Variants in ARID4B observed in about 807,000 individuals in gnomAD.
ARID4B encodes the protein AT-rich interactive domain-containing protein 4B.
Under a neutral mutation model 147.5 loss-of-function variants are expected in ARID4B, and 26 were observed. The ratio of observed to expected loss-of-function variants is 0.18; its 90% CI spans 0.13 to 0.24. The LOEUF is 0.24. ARID4B is among the 10% of genes least tolerant of loss of function. ARID4B has a pLI of 1.00. For missense variants in ARID4B, 1,179 were observed against 1,511.5 expected (o/e 0.78, Z 3.65); for synonymous variants, 512 against 507.9 (o/e 1.01, Z -0.11).
At chr1:235,325,133 G>A (rs530438823) in intron 2 of ARID4B, among the ~76,000 whole-genome samples, 2 of 152,218 alleles carry the variant, frequency 1.3e-5, no homozygotes, top group East Asian at 1.9e-4. Context: ...TCTGAGATTT[G>A]CTATACTTAT....
At chr1:235,321,047 T>C (rs184382632) in intron 2 of ARID4B, among the ~76,000 whole-genome samples, 81 of 152,318 alleles carry the variant, frequency 5.3e-4, no homozygotes, top group African/African-American at 1.6e-3. Context: ...GAACTCTTGT[T>C]CTATTCACTG....
At chr1:235,236,860 ATATTTTTTTTTT>A (rs1435410811) in intron 8 of ARID4B, among the ~76,000 whole-genome samples, 9 of 20,422 alleles carry the variant, frequency 4.4e-4, no homozygotes, top group African/African-American at 1.2e-3. Flanking sequence ...ATATATATAT[ATATTTTTTTTTT>A]TTTTTTTTTT....
chr1:235,326,099 C>T (rs1006327491), intron 2 of ARID4B, among the ~76,000 whole-genome samples: 1 of 151,876 alleles, frequency 6.6e-6, no homozygotes. Flanking sequence ...TAAGTTCCAC[C>T]AGTTGAATCC....
intron 7 of ARID4B, among the ~76,000 whole-genome samples, chr1:235,241,760 G>A (rs1013993932): frequency 3.3e-4 from 50 of 151,928 alleles, no homozygotes; most frequent in East Asian, 2.1e-3. Context: ...CTCGTGATCC[G>A]CCCACCTCGC....
intron 21 of ARID4B, chr1:235,176,931 T>G (rs1371553102): frequency 2.1e-6 from 1 of 471,198 alleles, no homozygotes; most frequent in Admixed American, 2.3e-5. Context: ...ACATATTTTC[T>G]GCTTCTTACT....
intron 2 of ARID4B, among the ~76,000 whole-genome samples, chr1:235,290,324 T>C (rs1010836273): frequency 6.6e-6 from 1 of 151,280 alleles, no homozygotes; most frequent in Non-Finnish European, 1.5e-5. Context: ...ATGCCTGTAA[T>C]CCCAGCTACT....
chr1:235,236,836 A>ATATATATATATATATATATATGTG (rs1553299976), intron 8 of ARID4B, among the ~76,000 whole-genome samples: 307 of 24,744 alleles, frequency 0.012, 37 homozygotes, highest in South Asian at 0.047. Flanking sequence ...TATAAAAAAT[A>ATATATATATATATATATATATGTG]TATATATATA....
intron 19 of ARID4B, among the ~76,000 whole-genome samples, chr1:235,192,953 C>T (rs774487965): frequency 2.6e-5 from 4 of 152,118 alleles, no homozygotes; most frequent in South Asian, 2.1e-4. Context: ...ATTAGCCAGG[C>T]GCAGTGGCGG....
intron 2 of ARID4B, among the ~76,000 whole-genome samples, chr1:235,304,656 G>A (rs1251742795): frequency 6.6e-6 from 1 of 152,172 alleles, no homozygotes; most frequent in Non-Finnish European, 1.5e-5. Flanking sequence ...TGGAAAGGCT[G>A]AATTCTAAAA....
rs779490231 is a variant in ARID4B at position 235,252,818 on chromosome 1, G to A, written c.275-9C>T. The A allele has an allele frequency of 3.1e-6, 5 of 1,603,414 alleles. No homozygotes were observed. Among genetic ancestry groups the A allele is most frequent in the Non-Finnish European group, 4.3e-6 (5 of 1,174,896 alleles). On this transcript the variant is annotated splice_polypyrimidine_tract_variant and intron_variant, in intron 5 of 23. Coordinates refer to ENST00000264183, the MANE Select transcript of ARID4B (RefSeq NM_016374.6). ...ATCTCCGTCATCAAAAACTATGAGA[G>A]GGGGTAAAAATGGAAGCTACTGAAG...
chr1:235,293,054 G>T (rs1407515109), intron 2 of ARID4B, among the ~76,000 whole-genome samples: 1 of 152,120 alleles, frequency 6.6e-6, no homozygotes, highest in Non-Finnish European at 1.5e-5. Context: ...GCAAATCTAA[G>T]ATCCACAAAA....
intron 2 of ARID4B, among the ~76,000 whole-genome samples, chr1:235,275,157 A>G (rs992364275): frequency 2.6e-5 from 4 of 152,230 alleles, no homozygotes; most frequent in African/African-American, 9.6e-5. Flanking sequence ...AAGCCCACAC[A>G]GCTTTACAAA....
intron 2 of ARID4B, among the ~76,000 whole-genome samples, chr1:235,325,670 T>C (rs1194891476): frequency 1.3e-5 from 2 of 152,240 alleles, no homozygotes; most frequent in Non-Finnish European, 2.9e-5. Context: ...ATGAGAGTTA[T>C]AGCTAGGATT....
Position 235,219,843 on chromosome 1 carries a change from A to G in ARID4B, c.1533T>C (p.Asp511=). Reference sequence around the variant, plus strand: ...CTTCTACCTTTATGTTGAGGGATTCATCTACCCTAGTTGTGTCATCATCTT... The same window carrying G: ...CTTCTACCTTTATGTTGAGGGATTCGTCTACCCTAGTTGTGTCATCATCTT... The part of the protein sequence containing the change: ...DDKDDDTTRV[D]ESLNIKVEAE... The change falls in exon 16 of 24, where the codon GAT becomes GAC. Residue 511 remains aspartate (D), a synonymous_variant. Coordinates refer to ENST00000264183, the MANE Select transcript of ARID4B (RefSeq NM_016374.6). 1 of 1,605,070 alleles carries G rather than the reference A, an allele frequency of 6.2e-7. No individual in the cohort carries two copies. The highest frequency in any genetic ancestry group is 8.5e-7 in the Non-Finnish European group (1 of 1,177,868).
At chr1:235,209,316 C>A (rs1284824796) in intron 17 of ARID4B, among the ~76,000 whole-genome samples, 4 of 151,930 alleles carry the variant, frequency 2.6e-5, no homozygotes, top group Non-Finnish European at 4.4e-5. Context: ...ACTAAAAATA[C>A]AAAAATTTGC....
chr1:235,312,530 T>A (rs1270358666), intron 2 of ARID4B, among the ~76,000 whole-genome samples: 2 of 152,206 alleles, frequency 1.3e-5, no homozygotes, highest in East Asian at 3.8e-4. Flanking sequence ...AATAAAAATT[T>A]CTTTAATTTT....
chr1:235,194,536 A>G (rs1392672858), intron 18 of ARID4B, among the ~76,000 whole-genome samples: 1 of 152,128 alleles, frequency 6.6e-6, no homozygotes, highest in Admixed American at 6.5e-5. Flanking sequence ...AACTAAAAAA[A>G]GAGGCCAGGT....
chr1:235,322,806 G>A (rs1674934027), intron 2 of ARID4B, among the ~76,000 whole-genome samples: 1 of 151,916 alleles, frequency 6.6e-6, no homozygotes, highest in Non-Finnish European at 1.5e-5. Flanking sequence ...ACAGAAGGAA[G>A]AGGGGGAAGG....
intron 17 of ARID4B, among the ~76,000 whole-genome samples, chr1:235,198,183 A>G (rs549915811): frequency 1.8e-4 from 27 of 152,262 alleles, no homozygotes; most frequent in Non-Finnish European, 3.5e-4. Context: ...AGTTATAATC[A>G]TGTTCTACCT....
Sources: gnomAD v4.1 joint callset for allele counts (sites outside exome capture counted in the v4.1 genomes callset) on GRCh38, gnomAD v4.1.1 for gene constraint, MANE v1.5 for transcripts, NCBI Gene and HGNC (gene_info 2026-07-23, HGNC 2026-07-21) for gene names.